LMTK2: variants seen among roughly 807,000 people sequenced by gnomAD.
The protein encoded by LMTK2 is lemur tail kinase 2.
LMTK2 carries 37 observed loss-of-function variants against 127.5 expected under a neutral mutation model. The observed-to-expected ratio is 0.29, with a 90% CI of 0.22 to 0.38. The LOEUF (loss-of-function observed/expected upper bound fraction) is 0.38. Ranked by LOEUF, LMTK2 falls within the 10% of genes least tolerant of loss-of-function variation. The probability of loss-of-function intolerance (pLI) is 1.00; values close to 1 mark genes in which losing one functional copy is unlikely to be tolerated. For synonymous variants in LMTK2, 819 were observed against 810.1 expected, an observed-to-expected ratio of 1.01 and a Z score of -0.19; for missense variants, 1,694 against 1,920.3, an observed-to-expected ratio of 0.88 and a Z score of 2.20.
intron 7 of LMTK2, among the ~76,000 whole-genome samples, chr7:98,173,204 C>G (rs1326661771): frequency 6.6e-6 from 1 of 152,134 alleles, no homozygotes; most frequent in Non-Finnish European, 1.5e-5. Flanking sequence ...ATCAGACTGT[C>G]AACATTCCTT....
chr7:98,124,122 C>G (rs1796408897), intron 1 of LMTK2, among the ~76,000 whole-genome samples: 1 of 152,146 alleles, frequency 6.6e-6, no homozygotes. Context: ...TCAGGTGATA[C>G]TTGAAAGTCT....
In LMTK2 at chr7:98,114,519, A is replaced by C. The variant is rs144924976; in HGVS notation, c.103+7239A>C. ...CTCAGCCTCCCAAAGTGCTGGGATT[A>C]CAGGCATGAGCCACTGCACCTGGGT... On this transcript the variant is annotated intron_variant, in intron 1 of 13. Transcript: ENST00000297293. Among the ~76,000 whole-genome samples the C allele has an allele frequency of 3.2e-3, 483 of 152,278 alleles. 2 individuals are homozygous for C. The highest frequency in any genetic ancestry group is 6.8e-3 in the Middle Eastern group (2 of 294).
In LMTK2 at chr7:98,136,471, T is replaced by C. The variant is rs111468801; in HGVS notation, c.104-844T>C. Reference sequence around the variant, plus strand: ...AGCCTCAAAGTTTCTTCCCCTGATATTACTAATTACTGGAGGGTTTTTAAC... The same window carrying C: ...AGCCTCAAAGTTTCTTCCCCTGATACTACTAATTACTGGAGGGTTTTTAAC... On this transcript the variant is annotated intron_variant, in intron 1 of 13. Transcript: ENST00000297293. Among the ~76,000 whole-genome samples the C allele has an allele frequency of 4.0e-3, 614 of 152,270 alleles. 2 individuals carry two copies. The highest frequency in any genetic ancestry group is 6.2e-3 in the Non-Finnish European group (419 of 68,006).
Position 98,149,451 on chromosome 7 carries a change from C to T in LMTK2, c.377-1931C>T, listed in dbSNP as rs528208412. Among the ~76,000 whole-genome samples, 6 of 152,284 alleles carry T rather than the reference C, an allele frequency of 3.9e-5. No homozygotes were observed. In the East Asian group the frequency reaches 1.2e-3, roughly 29 times the overall value. Reference sequence around the variant, plus strand: ...GTCTTTTAGTGTTTCTTGGAAGGGACGGCTGCCAGAGGAGACATCTCTGCT... The same window carrying T: ...GTCTTTTAGTGTTTCTTGGAAGGGATGGCTGCCAGAGGAGACATCTCTGCT... On this transcript the variant is annotated intron_variant, in intron 3 of 13. Coordinates refer to ENST00000297293, the MANE Select transcript of LMTK2 (RefSeq NM_014916.4).
At chr7:98,111,791 T>TA in intron 1 of LMTK2, among the ~76,000 whole-genome samples, 1 of 152,358 alleles carries the variant, frequency 6.6e-6, no homozygotes, top group African/African-American at 2.4e-5. Context: ...TTACTGGATT[T>TA]AAAAAATCTT....
intron 11 of LMTK2, among the ~76,000 whole-genome samples, chr7:98,202,555 T>G (rs1047536174): frequency 1.4e-4 from 21 of 152,190 alleles, no homozygotes; most frequent in African/African-American, 4.8e-4. Context: ...ATGTTGATAC[T>G]TTTACCTTAG....
chr7:98,204,240 T>C, intron 13 of LMTK2, 54 bp downstream of exon 13: 2 of 1,540,040 alleles, frequency 1.3e-6, no homozygotes, highest in Non-Finnish European at 1.8e-6. Flanking sequence ...GGTGGGGCGC[T>C]GCAGCTGGGA....
rs777527383 is a variant in LMTK2 at position 98,194,140 on chromosome 7, C to T, written c.3675C>T (p.Leu1225=). ...CACAGGACGATCGCCCCTGCACCCT[C>T]GCTTCCACGGGGACCAACACGAACG... ...FETQDDRPCT[L]ASTGTNTNEL... Residue 1225 remains leucine (L), a synonymous_variant, in exon 11 of 14, where the codon CTC becomes CTT. Transcript: ENST00000297293. This position sits in a 1 kb window ranked among gnomAD's most constrained non-coding sequence, Gnocchi z 5.4. 8.1e-6 allele frequency: 13 copies of T among 1,614,102 alleles called. No individual in the cohort carries two copies. Among genetic ancestry groups the T allele is most frequent in the South Asian group, 3.3e-5 (3 of 91,082 alleles).
rs1418089699 is a variant in LMTK2 at position 98,192,696 on chromosome 7, A to T, written c.2231A>T (p.Asp744Val). ...TTGTCCAGCAAAGAACACATAAATG[A>T]TCTTCAGACAGAACTTAAGAATGCT... ...GSLSSKEHIN[D>V]LQTELKNAGF... Residue 744 changes from aspartate (D) to valine (V), a missense_variant, in exon 11 of 14, where the codon GAT becomes GTT. By Grantham distance (152) the Asp-to-Val change is radical. Around this residue, in one of 8 missense-constraint regions of LMTK2, gnomAD observed 527 missense variants for 539.8 expected, o/e 0.98. Transcript: ENST00000297293. 2 of 1,611,196 alleles carry T rather than the reference A, an allele frequency of 1.2e-6. No homozygotes were observed. Among genetic ancestry groups the T allele is most frequent in the Non-Finnish European group, 1.7e-6 (2 of 1,179,138 alleles).
At chr7:98,127,377 T>C (rs1796458368) in intron 1 of LMTK2, among the ~76,000 whole-genome samples, 1 of 152,148 alleles carries the variant, frequency 6.6e-6, no homozygotes, top group Non-Finnish European at 1.5e-5. Context: ...TTGGGCCCAT[T>C]TGGAAGGTTG....
chr7:98,139,747 A>C (rs1460130335), intron 2 of LMTK2, among the ~76,000 whole-genome samples: 1 of 152,232 alleles, frequency 6.6e-6, no homozygotes, highest in Non-Finnish European at 1.5e-5. Context: ...ATATGGAAAC[A>C]CAAGTGTTAG....
At chr7:98,152,191 A>G (rs983072718) in intron 4 of LMTK2, among the ~76,000 whole-genome samples, 3 of 152,142 alleles carry the variant, frequency 2.0e-5, no homozygotes, top group East Asian at 1.9e-4. Flanking sequence ...CTTCTCTCAT[A>G]GCCCGTCAAG....
chr7:98,143,386 A>G (rs924831286), intron 3 of LMTK2, among the ~76,000 whole-genome samples: 16 of 152,226 alleles, frequency 1.1e-4, no homozygotes, highest in African/African-American at 3.6e-4. Context: ...CACCACACAC[A>G]AATTGACAGA....
chr7:98,125,333 G>T (rs1175689533), intron 1 of LMTK2, among the ~76,000 whole-genome samples: 1 of 151,802 alleles, frequency 6.6e-6, no homozygotes, highest in Non-Finnish European at 1.5e-5. Flanking sequence ...CCAGTCCTTT[G>T]TTTTATTTTT....
chr7:98,205,629 A>C lies in LMTK2; in HGVS notation c.*137A>C. Reference sequence around the variant, plus strand: ...AGGAAGAATCCAGAGGTGAAGAGGGAGACGGCTCTTAGCTGCGTTCAAGGC... The same window carrying C: ...AGGAAGAATCCAGAGGTGAAGAGGGCGACGGCTCTTAGCTGCGTTCAAGGC... On this transcript the variant is annotated 3_prime_UTR_variant, in exon 14 of 14. Coordinates refer to ENST00000297293, the MANE Select transcript of LMTK2 (RefSeq NM_014916.4). 2 of 955,750 alleles carry C rather than the reference A, an allele frequency of 2.1e-6. No individual in the cohort carries two copies. The highest frequency in any genetic ancestry group is 4.2e-5 in the Admixed American group (2 of 47,988). 59.2% of individuals were successfully genotyped at this position (955,750 alleles called of 1,614,324 possible).
intron 1 of LMTK2, chr7:98,126,653 T>C (rs1366611949): frequency 6.6e-6 from 1 of 150,776 alleles, no homozygotes; most frequent in Non-Finnish European, 1.5e-5. Context: ...GTCTCCATCC[T>C]AGTTAGTGTT....
intron 1 of LMTK2, among the ~76,000 whole-genome samples, chr7:98,135,777 T>C (rs143500669): frequency 9.1e-4 from 139 of 152,218 alleles, no homozygotes; most frequent in African/African-American, 3.2e-3. Flanking sequence ...GATGTAAAAA[T>C]CTTTATGCTC....
At chr7:98,178,780 T>C (rs1471525823) in intron 7 of LMTK2, among the ~76,000 whole-genome samples, 1 of 152,254 alleles carries the variant, frequency 6.6e-6, no homozygotes, top group African/African-American at 2.4e-5. Flanking sequence ...ACAGCACTTT[T>C]ATGTTTTCAA....
intron 1 of LMTK2, among the ~76,000 whole-genome samples, chr7:98,121,036 A>G (rs530757811): frequency 6.6e-6 from 1 of 152,342 alleles, no homozygotes; most frequent in East Asian, 1.9e-4. Flanking sequence ...CCTAGTCTGT[A>G]GAATTTTAGA....
Sources: allele counts gnomAD v4.1 joint callset (sites outside exome capture counted in the v4.1 genomes callset), GRCh38; gene constraint gnomAD v4.1.1; regional missense constraint gnomAD v4.1.1; non-coding constraint Gnocchi (gnomAD v3.1); transcripts MANE v1.5; gene names NCBI Gene and HGNC (gene_info 2026-07-23, HGNC 2026-07-21).